The following PRMT3 variants were observed in gnomAD, a reference collection of about 807,000 sequenced individuals.
PRMT3 encodes protein arginine N-methyltransferase 3.
Under a neutral mutation model 71.9 loss-of-function variants are expected in PRMT3, and 62 were observed. The observed-to-expected ratio is 0.86, with a 90% CI of 0.70 to 1.07. The LOEUF (loss-of-function observed/expected upper bound fraction) is 1.07, where lower values mean the gene tolerates loss of function less well. Ranked by LOEUF, PRMT3 falls within the 50% of genes least tolerant of loss-of-function variation. The probability of loss-of-function intolerance (pLI) is 0.00; values close to 1 mark genes in which losing one functional copy is unlikely to be tolerated. For missense variants in PRMT3, 663 were observed against 643.0 expected, an observed-to-expected ratio of 1.03 and a Z score of -0.34; for synonymous variants, 213 against 220.4, an observed-to-expected ratio of 0.97 and a Z score of 0.30.
At chr11:20,478,892 C>T (rs557850692) in intron 13 of PRMT3, among the ~76,000 whole-genome samples, 1 of 152,236 alleles carries the variant, frequency 6.6e-6, no homozygotes, top group African/African-American at 2.4e-5. Flanking sequence ...TAAATTAGCT[C>T]TTAGTACTTT....
At chr11:20,428,787 A>G (rs1849598035) in intron 10 of PRMT3, among the ~76,000 whole-genome samples, 1 of 152,224 alleles carries the variant, frequency 6.6e-6, no homozygotes, top group African/African-American at 2.4e-5. Flanking sequence ...TAAATCTCCC[A>G]AGATTTAAGA....
intron 10 of PRMT3, among the ~76,000 whole-genome samples, chr11:20,444,451 T>C (rs7101539): frequency 0.89 from 136,148 of 152,164 alleles, 61,578 homozygotes; most frequent in Middle Eastern, 0.97. Flanking sequence ...ATGACTGTTA[T>C]AGCTGCATCC....
intron 13 of PRMT3, among the ~76,000 whole-genome samples, chr11:20,491,809 G>A (rs755687965): frequency 6.6e-6 from 1 of 152,086 alleles, no homozygotes; most frequent in African/African-American, 2.4e-5. Context: ...GTAATTTGGG[G>A]GTTAGGCTGA....
intron 12 of PRMT3, among the ~76,000 whole-genome samples, chr11:20,463,807 ATTCCATCCC>A (rs1850443017): frequency 6.6e-6 from 1 of 152,162 alleles, no homozygotes; most frequent in African/African-American, 2.4e-5. Context: ...TTGAAAGGTG[ATTCCATCCC>A]TTCTCCAAAG....
Position 20,388,136 on chromosome 11 carries a change from C to G in PRMT3, c.146C>G (p.Pro49Arg). The change falls in exon 2 of 16, where the codon CCC becomes CGC. Residue 49 changes from proline (P) to arginine (R), a missense_variant. Physicochemically the swap from Pro to Arg is moderately radical, Grantham distance 103. Transcript: ENST00000331079. Reference sequence around the variant, plus strand: ...CTCCCCCACGGCAAGCAGCAGACCCCCTGCCTGTTCTGTAACAGGTTCGTC... The same window carrying G: ...CTCCCCCACGGCAAGCAGCAGACCCGCTGCCTGTTCTGTAACAGGTTCGTC... ...ADLPHGKQQT[P>R]CLFCNRLFTS... 1 of 1,613,982 alleles carries G rather than the reference C, an allele frequency of 6.2e-7. No individual in the cohort carries two copies. The highest frequency in any genetic ancestry group is 8.5e-7 in the Non-Finnish European group (1 of 1,180,004).
At chr11:20,479,846 A>G (rs1405715142) in intron 13 of PRMT3, among the ~76,000 whole-genome samples, 4 of 152,186 alleles carry the variant, frequency 2.6e-5, no homozygotes, top group African/African-American at 9.7e-5. Context: ...ATACACACAC[A>G]GAAATATGTT....
intron 10 of PRMT3, among the ~76,000 whole-genome samples, chr11:20,451,810 G>C (rs1449904576): frequency 6.6e-6 from 1 of 152,052 alleles, no homozygotes; most frequent in African/African-American, 2.4e-5. Context: ...CATCATTCCA[G>C]GGAGTTATAG....
At chr11:20,484,221 A>G (rs1169039132) in intron 13 of PRMT3, among the ~76,000 whole-genome samples, 3 of 152,208 alleles carry the variant, frequency 2.0e-5, no homozygotes, top group South Asian at 2.1e-4. Context: ...GGGATCTACA[A>G]GTGAACAAAG....
intron 9 of PRMT3, among the ~76,000 whole-genome samples, chr11:20,420,134 AG>A (rs1280447029): frequency 6.6e-6 from 1 of 152,158 alleles, no homozygotes; most frequent in African/African-American, 2.4e-5. Context: ...ATCGTGCCAC[AG>A]CACTCTAGCC....
intron 13 of PRMT3, among the ~76,000 whole-genome samples, chr11:20,472,043 G>A (rs1253479213): frequency 6.6e-6 from 1 of 152,074 alleles, no homozygotes; most frequent in Non-Finnish European, 1.5e-5. Context: ...TTTGCTCATT[G>A]ATTTTTGTGT....
chr11:20,479,161 CATGTGGTCTAAA>C (rs575253354), intron 13 of PRMT3, among the ~76,000 whole-genome samples: 39 of 152,138 alleles, frequency 2.6e-4, no homozygotes, highest in Non-Finnish European at 8.8e-5. Context: ...TGTGAATGAC[CATGTGGTCTAAA>C]GTATGGTCTT....
chr11:20,397,497 C>T lies in PRMT3; in HGVS notation c.561-80C>T, dbSNP rs926898021. The T allele has an allele frequency of 4.9e-6, 7 of 1,434,588 alleles. No homozygotes were observed. In the African/African-American group the frequency reaches 9.9e-5, roughly 20 times the overall value. The allele number at this position is 1,434,588 out of a possible 1,614,324, so 88.9% of individuals were successfully genotyped here. On this transcript the variant is annotated intron_variant, in intron 6 of 15. Transcript: ENST00000331079. ...CATCACACTGTACTCCCTCCCCTTT[C>T]CTCTTCCTCAACCTCTAGCCTTTCC... is the stretch of plus-strand genomic sequence containing the variant.
intron 10 of PRMT3, among the ~76,000 whole-genome samples, chr11:20,433,304 T>C (rs1369227385): frequency 6.6e-6 from 1 of 152,104 alleles, no homozygotes; most frequent in Non-Finnish European, 1.5e-5. Context: ...GAACATGTGG[T>C]ATTTGGTTTT....
In PRMT3 at chr11:20,402,536, C is replaced by T. The variant is rs932031155; in HGVS notation, c.706-383C>T. 2.0e-5 allele frequency among the ~76,000 whole-genome samples: 3 copies of T among 152,078 alleles called. No homozygotes were observed. The East Asian group carries it at 5.8e-4, about 29-fold the overall frequency. On this transcript the variant is annotated intron_variant, in intron 7 of 15. Coordinates refer to ENST00000331079, the MANE Select transcript of PRMT3 (RefSeq NM_005788.4). ...GCATGAGCCACTGCACTTGGCTTCT[C>T]CCTTATTTTAATATAGCTCTAGTAC...
At chr11:20,439,025 G>A (rs1173218295) in intron 10 of PRMT3, among the ~76,000 whole-genome samples, 1 of 152,178 alleles carries the variant, frequency 6.6e-6, no homozygotes, top group Non-Finnish European at 1.5e-5. Flanking sequence ...GGGTGGTTCA[G>A]CAGCTTAGCC....
intron 10 of PRMT3, among the ~76,000 whole-genome samples, chr11:20,446,199 T>A (rs1170279331): frequency 6.6e-6 from 1 of 152,144 alleles, no homozygotes; most frequent in Non-Finnish European, 1.5e-5. Flanking sequence ...CATACCTCCA[T>A]AGACTTCTCA....
chr11:20,508,242 G>T, intron 15 of PRMT3, 62 bp from the exon 16 acceptor site: 3 of 884,990 alleles, frequency 3.4e-6, no homozygotes, highest in South Asian at 1.6e-5. Context: ...GTTATACATT[G>T]TTTACTTTTC....
chr11:20,494,524 G>A (rs916366021), intron 15 of PRMT3, among the ~76,000 whole-genome samples: 3 of 152,064 alleles, frequency 2.0e-5, no homozygotes, highest in Non-Finnish European at 4.4e-5. Context: ...AGTAGAGATG[G>A]GGTTTCACCA....
intron 15 of PRMT3, among the ~76,000 whole-genome samples, chr11:20,496,066 T>A (rs531824802): frequency 1.3e-5 from 2 of 152,324 alleles, no homozygotes; most frequent in South Asian, 4.1e-4. Context: ...AGCTAAGCAA[T>A]TTTTTCCTAG....
Sources: gnomAD v4.1 joint callset for allele counts (sites outside exome capture counted in the v4.1 genomes callset) on GRCh38, gnomAD v4.1.1 for gene constraint, MANE v1.5 for transcripts, NCBI Gene and HGNC (gene_info 2026-07-23, HGNC 2026-07-21) for gene names.